The following CST8 variants were observed in gnomAD, a reference collection of about 807,000 sequenced individuals.
CST8 encodes cystatin 8.
CST8 carries 20 observed loss-of-function variants against 11.8 expected under a neutral mutation model. The observed-to-expected ratio is 1.70, with a 90% CI of 1.20 to 2.47. CST8 has a LOEUF of 2.47. Among genes scored for constraint, CST8 ranks in the 30% most tolerant of loss-of-function variants. The pLI, the probability that CST8 is intolerant of heterozygous loss-of-function variation, is 0.00. For synonymous variants in CST8, 77 were observed against 63.1 expected (o/e 1.22, Z -1.05); for missense variants, 196 against 167.2 (o/e 1.17, Z -0.95).
At chr20:23,500,150 C>A (rs1027109799), downstream of CST8, among the ~76,000 whole-genome samples, 1 of 152,048 alleles carries the variant, frequency 6.6e-6, no homozygotes, top group African/African-American at 2.4e-5. Context: ...GAGGAAGACA[C>A]CAAGCCATTC....
chr20:23,503,871 G>A, the CST8 span, among the ~76,000 whole-genome samples: 3 of 152,206 alleles, frequency 2.0e-5, no homozygotes, highest in East Asian at 3.9e-4. Context: ...ACCTGTGCCA[G>A]TCATGGCGGG....
the CST8 span, among the ~76,000 whole-genome samples, chr20:23,501,080 G>C: frequency 2.0e-5 from 3 of 152,142 alleles, no homozygotes; most frequent in East Asian, 1.9e-4. Flanking sequence ...TTAACTTGTG[G>C]AGCTTTTTGT....
downstream of CST8, among the ~76,000 whole-genome samples, chr20:23,500,557 G>A (rs1005876902): frequency 7.2e-5 from 11 of 152,136 alleles, no homozygotes; most frequent in Admixed American, 2.0e-4. Flanking sequence ...TCCCATGTGC[G>A]TCCTAGGAGG....
downstream of CST8, among the ~76,000 whole-genome samples, chr20:23,498,250 A>G (rs1037280416): frequency 1.3e-5 from 2 of 152,210 alleles, no homozygotes; most frequent in African/African-American, 4.8e-5. Flanking sequence ...TGAACTACAC[A>G]CTCAAAAATA....
rs866456765 is a variant in CST8 at position 23,492,973 on chromosome 20, G to T, written c.247G>T (p.Glu83Ter). 4 of 1,599,990 alleles carry T rather than the reference G, an allele frequency of 2.5e-6. No individual in the cohort carries two copies. Among genetic ancestry groups the T allele is most frequent in the Non-Finnish European group, 2.6e-6 (3 of 1,167,432 alleles). The change falls in exon 3 of 4, where the codon GAA (glutamate) becomes TAA (stop). Residue 83 changes from glutamate (E) to a stop codon, truncating the protein, a stop_gained. Transcript: ENST00000246012. LOFTEE classifies it high-confidence loss of function. The stretch of plus-strand genomic sequence containing the variant: ...TAACCAACAGGTCACAAATCTTCTG[G>T]AATACCTTATTGATGTAGAAATTGC... ...QAQLQVTNLL[E>*]YLIDVEIARS...
At position 23,491,558 on chromosome 20, in the gene CST8, T is replaced by C; in HGVS notation, c.-110T>C. On this transcript the variant is annotated 5_prime_UTR_variant, in exon 2 of 4. Transcript: ENST00000246012. ...ACGCTAACAGGAGGCAGTGTGTGGCTCGAAGATTCTTGAACCCACAGCAGC... is the reference window on the plus strand; with the variant it reads ...ACGCTAACAGGAGGCAGTGTGTGGCCCGAAGATTCTTGAACCCACAGCAGC... The C allele has an allele frequency of 1.2e-6, 1 of 803,926 alleles. No individual in the cohort carries two copies. The highest frequency in any genetic ancestry group is 2.1e-6 in the Non-Finnish European group (1 of 479,632). 49.8% of individuals were successfully genotyped at this position (803,926 alleles called of 1,614,324 possible).
At chr20:23,502,750 G>A in the CST8 span, among the ~76,000 whole-genome samples, 858 of 152,334 alleles carry the variant, frequency 5.6e-3, 11 homozygotes, top group African/African-American at 0.018. Context: ...AGAATTGTCT[G>A]ATGGAACTTC....
the CST8 span, among the ~76,000 whole-genome samples, chr20:23,503,698 A>C: frequency 4.6e-5 from 7 of 152,358 alleles, no homozygotes; most frequent in African/African-American, 1.4e-4. Context: ...GTGCAAATGA[A>C]GATGTGGCTC....
intron 3 of CST8, among the ~76,000 whole-genome samples, chr20:23,494,238 C>T (rs1289934178): frequency 6.6e-6 from 1 of 152,052 alleles, no homozygotes. Context: ...TATATTTTCT[C>T]CCGGGCTTTT....
downstream of CST8, among the ~76,000 whole-genome samples, chr20:23,500,570 C>G (rs749038513): frequency 2.0e-5 from 3 of 152,044 alleles, no homozygotes; most frequent in Non-Finnish European, 4.4e-5. Flanking sequence ...CTAGGAGGGG[C>G]CCTCCTTCTC....
At chr20:23,500,139 C>G (rs897354396), downstream of CST8, among the ~76,000 whole-genome samples, 11 of 152,124 alleles carry the variant, frequency 7.2e-5, no homozygotes, top group East Asian at 1.9e-3. Context: ...CTCATTACCT[C>G]GAGGAAGACA....
chr20:23,495,141 A>G (rs566662724), intron 3 of CST8, among the ~76,000 whole-genome samples: 1 of 152,164 alleles, frequency 6.6e-6, no homozygotes, highest in Non-Finnish European at 1.5e-5. Flanking sequence ...AAAGGACATT[A>G]TCTCATGTTT....
chr20:23,500,479 G>A (rs145498440), downstream of CST8, among the ~76,000 whole-genome samples: 8 of 152,266 alleles, frequency 5.3e-5, no homozygotes, highest in East Asian at 1.6e-3. Flanking sequence ...CTGGGAGAGT[G>A]TCAGGACTGC....
chr20:23,499,505 C>T (rs889648334), downstream of CST8, among the ~76,000 whole-genome samples: 4 of 152,224 alleles, frequency 2.6e-5, no homozygotes, highest in Admixed American at 1.3e-4. Flanking sequence ...GGGCCTGCTG[C>T]GTTCTCTTAA....
chr20:23,496,351 A>C (rs1420125048), downstream of CST8, among the ~76,000 whole-genome samples: 6 of 152,134 alleles, frequency 3.9e-5, no homozygotes, highest in Non-Finnish European at 8.8e-5. Context: ...CGGGGGAGAC[A>C]TCACATGTCG....
chr20:23,494,293 AT>A (rs376095388), intron 3 of CST8, among the ~76,000 whole-genome samples: 4 of 152,348 alleles, frequency 2.6e-5, no homozygotes, highest in African/African-American at 9.6e-5. Context: ...TGTAGAAAAT[AT>A]TAAAGTGCAT....
chr20:23,492,882 G>C (rs1210617995), intron 2 of CST8, 76 bp from the exon 3 acceptor site: 9 of 861,196 alleles, frequency 1.0e-5, no homozygotes, highest in African/African-American at 9.0e-5. Flanking sequence ...GAGAGTAAGA[G>C]TAATTTTTTT....
At chr20:23,493,120 A>AAG in intron 3 of CST8, 49 bp downstream of exon 3, 1 of 1,174,268 alleles carries the variant, frequency 8.5e-7, no homozygotes. Context: ...CTCTGAACCC[A>AAG]AGAGAGAAAG....
chr20:23,491,740 A>G lies in CST8; in HGVS notation c.73A>G (p.Lys25Glu), dbSNP rs762138828. ...PLALVARKDP[K>E]KNETGVLRKL... The stretch of plus-strand genomic sequence containing the variant: ...GGCCCTGGTGGCCAGGAAAGACCCA[A>G]AAAAGAATGAGACAGGGGTGCTGAG... The change falls in exon 2 of 4, where the codon AAA becomes GAA. Residue 25 changes from lysine to glutamate, a missense_variant. Coordinates refer to ENST00000246012, the MANE Select transcript of CST8 (RefSeq NM_005492.4). The G allele has an allele frequency of 1.2e-6, 2 of 1,614,094 alleles. No homozygotes were observed. Among genetic ancestry groups the G allele is most frequent in the South Asian group, 2.2e-5 (2 of 91,086 alleles).
Sources: allele counts gnomAD v4.1 joint callset (sites outside exome capture counted in the v4.1 genomes callset), GRCh38; gene constraint gnomAD v4.1.1; transcripts MANE v1.5; gene names NCBI Gene and HGNC (gene_info 2026-07-23, HGNC 2026-07-21).